GLT8D1: variants seen among roughly 807,000 people sequenced by gnomAD.
The protein encoded by GLT8D1 is glycosyltransferase 8 domain-containing protein 1.
GLT8D1 carries 41 observed loss-of-function variants against 46.2 expected under a neutral mutation model. That is an observed-to-expected ratio of 0.89 (90% CI 0.69 to 1.15). The LOEUF is 1.15. GLT8D1 is among the 50% of genes most tolerant of loss of function. The probability of loss-of-function intolerance (pLI) is 0.00; values close to 1 mark genes in which losing one functional copy is unlikely to be tolerated. For missense variants in GLT8D1, 408 were observed against 449.3 expected (o/e 0.91, Z 0.83); for synonymous variants, 150 against 154.2 (o/e 0.97, Z 0.20).
At chr3:52,703,479 T>C (rs542408681) in intron 1 of GLT8D1, 1 of 151,008 alleles carries the variant, frequency 6.6e-6, no homozygotes, top group South Asian at 2.1e-4. Flanking sequence ...CTAAGTCATA[T>C]GCCTCTATCA....
At chr3:52,704,315 C>T (rs774068682) in intron 1 of GLT8D1, among the ~76,000 whole-genome samples, 10 of 152,054 alleles carry the variant, frequency 6.6e-5, no homozygotes, top group Non-Finnish European at 1.3e-4. Context: ...AAAAATTAGC[C>T]GGGCGTGGTG....
rs370542404 is a variant in GLT8D1, at chr3:52,700,226, C to A, written c.115+36G>T. On this transcript the variant is annotated intron_variant, in intron 3 of 9. Transcript: ENST00000266014. Reference sequence around the variant, plus strand: ...GACACAGAGAATACCAGGTCCGCAACAGATTCTAAGGCATTATTAATAAGT... The same window carrying A: ...GACACAGAGAATACCAGGTCCGCAAAAGATTCTAAGGCATTATTAATAAGT... 6.9e-6 allele frequency: 9 copies of A among 1,305,726 alleles called. No homozygotes were observed. The South Asian group carries it at 1.1e-4, about 16-fold the overall frequency. 80.9% of individuals were successfully genotyped at this position (1,305,726 alleles called of 1,614,324 possible).
intron 8 of GLT8D1, 58 bp from the exon 9 acceptor site, chr3:52,695,360 G>A (rs1044744036): frequency 1.8e-5 from 29 of 1,582,110 alleles, no homozygotes; most frequent in Admixed American, 5.0e-5. Flanking sequence ...ACTCCTGTTA[G>A]TCAAGACTCT....
intron 3 of GLT8D1, among the ~76,000 whole-genome samples, chr3:52,698,180 G>A (rs1198889290): frequency 6.6e-6 from 1 of 152,150 alleles, no homozygotes; most frequent in Non-Finnish European, 1.5e-5. Flanking sequence ...AACAGAACCT[G>A]TTAGAATGTA....
intron 1 of GLT8D1, among the ~76,000 whole-genome samples, chr3:52,704,383 C>T (rs984276161): frequency 1.3e-5 from 2 of 149,102 alleles, no homozygotes; most frequent in African/African-American, 4.9e-5. Flanking sequence ...CCCTTGAACC[C>T]AGGAGGCGGA....
chr3:52,696,141 TA>T, intron 6 of GLT8D1, 92 bp downstream of exon 6: 1 of 1,173,112 alleles, frequency 8.5e-7, no homozygotes, highest in South Asian at 1.2e-5. Flanking sequence ...AGACCATAAA[TA>T]AACCACTACA....
chr3:52,696,532 T>A lies in GLT8D1; in HGVS notation c.447+10A>T, dbSNP rs182143903. 56 of 1,348,492 alleles carry A rather than the reference T, an allele frequency of 4.2e-5. No homozygotes were observed. The highest frequency in any genetic ancestry group is 5.5e-5 in the Non-Finnish European group (52 of 937,958). 83.5% of individuals were successfully genotyped at this position (1,348,492 alleles called of 1,614,324 possible). A position where few individuals can be genotyped will look rare whatever the true frequency, so the allele number is the denominator to read the frequency against. On this transcript the variant is annotated intron_variant, in intron 5 of 9. Coordinates refer to ENST00000266014, the MANE Select transcript of GLT8D1 (RefSeq NM_018446.4). The stretch of plus-strand genomic sequence containing the variant: ...ACTGCCAAGTGCAAAGAAGGATGCA[T>A]GGAACTCACAGGTTTCATGGATTCC...
In GLT8D1 at chr3:52,700,437, G is replaced by A. The variant is rs2097338357; in HGVS notation, c.16+8C>T. On this transcript the variant is annotated splice_region_variant and intron_variant, in intron 2 of 9. Coordinates refer to ENST00000266014, the MANE Select transcript of GLT8D1 (RefSeq NM_018446.4). ...ATAAAAACAACTTAACTTGTAGAAA[G>A]AGCATACCTTTACGGAATGACATCT... 1 of 1,596,608 alleles carries A rather than the reference G, an allele frequency of 6.3e-7. No homozygotes were observed. The highest frequency in any genetic ancestry group is 8.6e-7 in the Non-Finnish European group (1 of 1,165,120).
At position 52,700,326 on chromosome 3, in the gene GLT8D1, G is replaced by C; in HGVS notation, c.51C>G (p.Leu17=). The C allele has an allele frequency of 1.2e-6, 2 of 1,613,774 alleles. No homozygotes were observed. Among genetic ancestry groups the C allele is most frequent in the African/African-American group, 1.3e-5 (1 of 75,032 alleles). The change falls in exon 3 of 10, where the codon CTC becomes CTG. Residue 17 remains leucine, a synonymous_variant. Transcript: ENST00000266014. ...NIIILVLAVA[L]FLLVLHHNFL... ...AGTTATGGTGCAAAACCAGTAAGAA[G>C]AGAGCAACAGCCAGGACCAAGATGA...
In GLT8D1 at chr3:52,696,128, A is replaced by T. The variant is rs2097333201; in HGVS notation, c.533-88T>A. 2.6e-6 allele frequency: 3 copies of T among 1,157,604 alleles called. No homozygotes were observed. The Admixed American group carries it at 5.3e-5, about 21-fold the overall frequency. 71.7% of individuals were successfully genotyped at this position (1,157,604 alleles called of 1,614,324 possible). ...ACTTCTCCCTATGGTGACCTTTTAT[A>T]GAAGACCATAAATAAACCACTACAG... is the stretch of plus-strand genomic sequence containing the variant. On this transcript the variant is annotated intron_variant, in intron 6 of 9. Coordinates refer to ENST00000266014, the MANE Select transcript of GLT8D1 (RefSeq NM_018446.4).
intron 4 of GLT8D1, among the ~76,000 whole-genome samples, chr3:52,697,286 C>T (rs2097334739): frequency 6.6e-6 from 1 of 152,228 alleles, no homozygotes; most frequent in Non-Finnish European, 1.5e-5. Flanking sequence ...CCAGATCACT[C>T]TGGGCCAGGA....
Position 52,694,887 on chromosome 3 carries a change from G to C in GLT8D1, c.1074C>G (p.Phe358Leu). The C allele has an allele frequency of 6.2e-7, 1 of 1,612,190 alleles. No homozygotes were observed. Among genetic ancestry groups the C allele is most frequent in the Non-Finnish European group, 8.5e-7 (1 of 1,178,228 alleles). ...KWYIPDPTGK[F>L]NLIRRYTEIS... ...TCTCGGTATATCTTCGGATTAGGTT[G>C]AATTTGCCTGTTGGGTCTGGAATAT... Residue 358 changes from phenylalanine (F) to leucine (L), a missense_variant, in exon 10 of 10, where the codon TTC (phenylalanine) becomes TTG (leucine). Phe to Leu is a conservative substitution (Grantham distance 22, BLOSUM62 0). Coordinates refer to ENST00000266014, the MANE Select transcript of GLT8D1 (RefSeq NM_018446.4).
chr3:52,696,402 A>G (rs1030487505), intron 5 of GLT8D1, 84 bp from the exon 6 acceptor site: 3 of 1,091,880 alleles, frequency 2.7e-6, no homozygotes, highest in Non-Finnish European at 4.2e-6. Context: ...TGCTTTCAGT[A>G]CCCATTCAGG....
At position 52,697,898 on chromosome 3, in the gene GLT8D1, A is replaced by T; in HGVS notation, c.152T>A (p.Val51Asp). ...GIVGPQPIDF[V>D]PNALRHAVDG... Reference sequence around the variant, plus strand: ...TACTGCATGTCGGAGAGCATTTGGGACAAAGTCTATAGGTTGAGGCCCTAC... The same window carrying T: ...TACTGCATGTCGGAGAGCATTTGGGTCAAAGTCTATAGGTTGAGGCCCTAC... The change falls in exon 4 of 10, where the codon GTC becomes GAC. Residue 51 changes from valine to aspartate, a missense_variant. By Grantham distance (152) the Val-to-Asp change is radical (BLOSUM62 -3). Coordinates refer to ENST00000266014, the MANE Select transcript of GLT8D1 (RefSeq NM_018446.4). The T allele has an allele frequency of 1.2e-6, 2 of 1,613,604 alleles. No homozygotes were observed. The highest frequency in any genetic ancestry group is 1.7e-6 in the Non-Finnish European group (2 of 1,179,490).
At position 52,694,604 on chromosome 3, in the gene GLT8D1, C is replaced by CCAGT; in HGVS notation, c.*237_*240dup. On this transcript the variant is annotated 3_prime_UTR_variant, in exon 10 of 10. Coordinates refer to ENST00000266014, the MANE Select transcript of GLT8D1 (RefSeq NM_018446.4). The stretch of plus-strand genomic sequence containing the variant: ...GAACTAGCCATATCAGTTCTTCTTT[C>CCAGT]CAGTCATTCAGCATTGTAGTAAGAA... The CCAGT allele has an allele frequency of 3.3e-6, 2 of 601,178 alleles. No individual in the cohort carries two copies. The highest frequency in any genetic ancestry group is 5.9e-6 in the Non-Finnish European group (2 of 338,710). The allele number at this position is 601,178 out of a possible 1,614,324, so 37.2% of individuals were successfully genotyped here. A position where few individuals can be genotyped will look rare whatever the true frequency, so the allele number is the denominator to read the frequency against.
intron 1 of GLT8D1, among the ~76,000 whole-genome samples, chr3:52,701,534 A>G (rs2097339401): frequency 6.6e-6 from 1 of 151,996 alleles, no homozygotes; most frequent in East Asian, 1.9e-4. Flanking sequence ...ACGCCCAGCT[A>G]ATTTTTGTAT....
rs758795925 is a variant in GLT8D1, at chr3:52,697,744, G to C, written c.306C>G (p.Leu102=). Residue 102 remains leucine, a synonymous_variant, in exon 4 of 10, where the codon CTC becomes CTG. Transcript: ENST00000266014. Reference sequence around the variant, plus strand: ...ACCGGAGATGGTCTGCTGTATTGTTGAGAGTAACAATGTAGAAAATCACAT... The same window carrying C: ...ACCGGAGATGGTCTGCTGTATTGTTCAGAGTAACAATGTAGAAAATCACAT... ...RSNVIFYIVT[L]NNTADHLRSW... is the part of the protein sequence containing the mutation. 6.2e-7 allele frequency: 1 copy of C among 1,610,458 alleles called. No homozygotes were observed. Among genetic ancestry groups the C allele is most frequent in the Non-Finnish European group, 8.5e-7 (1 of 1,176,628 alleles).
At chr3:52,702,604 T>A (rs2097340244) in intron 1 of GLT8D1, among the ~76,000 whole-genome samples, 1 of 151,970 alleles carries the variant, frequency 6.6e-6, no homozygotes, top group South Asian at 2.1e-4. Flanking sequence ...CTGTGGCTGA[T>A]ACCCATAATC....
At chr3:52,699,133 G>T (rs2097337032) in intron 3 of GLT8D1, among the ~76,000 whole-genome samples, 1 of 152,106 alleles carries the variant, frequency 6.6e-6, no homozygotes, top group Non-Finnish European at 1.5e-5. Flanking sequence ...AAAAAAAGAT[G>T]TGTAGGAAAA....
Sources: allele counts gnomAD v4.1 joint callset (sites outside exome capture counted in the v4.1 genomes callset), GRCh38; gene constraint gnomAD v4.1.1; transcripts MANE v1.5; gene names NCBI Gene and HGNC (gene_info 2026-07-23, HGNC 2026-07-21).